Variants in CDC14A observed in about 807,000 individuals in gnomAD.
CDC14A encodes the protein dual specificity protein phosphatase CDC14A.
In CDC14A, 53 loss-of-function variants were observed where a neutral mutation model predicts 74.4. That is an observed-to-expected ratio of 0.71 (90% CI 0.57 to 0.89). The LOEUF is 0.89. CDC14A is among the 40% of genes least tolerant of loss of function. CDC14A has a pLI of 0.00. For missense variants in CDC14A, 646 were observed against 713.7 expected (o/e 0.91, Z 1.08); for synonymous variants, 247 against 258.4 (o/e 0.96, Z 0.43).
Position 100,471,243 on chromosome 1 carries a change from G to A in CDC14A, c.977+3149G>A, listed in dbSNP as rs77804512. Among the ~76,000 whole-genome samples, 275 of 152,200 alleles carry A rather than the reference G, an allele frequency of 1.8e-3. 2 individuals carry two copies. Among genetic ancestry groups the A allele is most frequent in the African/African-American group, 6.3e-3 (262 of 41,554 alleles). ...ATTCTGTGGTGATAGAAATCAGAAA[G>A]CAATTGCTTCTGAGGTGTGTCAGGG... is the stretch of plus-strand genomic sequence containing the variant. On this transcript the variant is annotated intron_variant, in intron 10 of 15. Coordinates refer to ENST00000336454, the MANE Select transcript of CDC14A (RefSeq NM_003672.4).
intron 4 of CDC14A, among the ~76,000 whole-genome samples, chr1:100,413,987 A>G (rs982145206): frequency 6.6e-6 from 1 of 152,230 alleles, no homozygotes; most frequent in African/African-American, 2.4e-5. Context: ...AAGATAATTA[A>G]CTTAAGAAAC....
chr1:100,497,937 T>C, intron 13 of CDC14A, 148 bp from the exon 14 acceptor site: 1 of 709,082 alleles, frequency 1.4e-6, no homozygotes, highest in Non-Finnish European at 2.3e-6. Context: ...GTTAGTGCTG[T>C]GTCAGTGGTG....
chr1:100,380,972 G>A (rs1277244373), intron 3 of CDC14A, among the ~76,000 whole-genome samples: 2 of 152,120 alleles, frequency 1.3e-5, no homozygotes, highest in Non-Finnish European at 2.9e-5. Context: ...CTGGATTGAG[G>A]GTGCCTCCCT....
chr1:100,495,636 A>G (rs962869956), intron 12 of CDC14A, among the ~76,000 whole-genome samples: 11 of 152,228 alleles, frequency 7.2e-5, no homozygotes, highest in African/African-American at 2.4e-4. Flanking sequence ...CTTATAAATA[A>G]GAGATACACA....
upstream of CDC14A, among the ~76,000 whole-genome samples, chr1:100,347,585 T>C (rs1048570900): frequency 2.0e-5 from 3 of 152,256 alleles, no homozygotes; most frequent in African/African-American, 7.2e-5. Context: ...ATGCTATCTA[T>C]TTTTGGTATT....
At chr1:100,381,972 C>G (rs1656171330) in intron 3 of CDC14A, among the ~76,000 whole-genome samples, 1 of 152,000 alleles carries the variant, frequency 6.6e-6, no homozygotes, top group African/African-American at 2.4e-5. Context: ...GATTGATAGC[C>G]TTGAGCTGGA....
At chr1:100,365,941 T>TACAC (rs34281009) in intron 2 of CDC14A, among the ~76,000 whole-genome samples, 12,606 of 142,414 alleles carry the variant, frequency 0.089, 1,102 homozygotes, top group African/African-American at 0.22. Flanking sequence ...AACAAAATTT[T>TACAC]ACACACACAC....
chr1:100,433,117 C>T (rs1032717173), intron 5 of CDC14A, among the ~76,000 whole-genome samples: 1 of 151,958 alleles, frequency 6.6e-6, no homozygotes, highest in Non-Finnish European at 1.5e-5. Flanking sequence ...TGGGCTCAAG[C>T]AATCCTCCTG....
chr1:100,452,307 C>T (rs966057683), intron 7 of CDC14A, among the ~76,000 whole-genome samples: 4 of 151,988 alleles, frequency 2.6e-5, no homozygotes, highest in Non-Finnish European at 4.4e-5. Flanking sequence ...GTCAGGAGTT[C>T]GAGACCAGCC....
intron 2 of CDC14A, among the ~76,000 whole-genome samples, chr1:100,371,991 A>G (rs1654541375): frequency 6.6e-6 from 1 of 152,244 alleles, no homozygotes; most frequent in Non-Finnish European, 1.5e-5. Flanking sequence ...GACCACCACA[A>G]TAAAGCAAAT....
intron 5 of CDC14A, among the ~76,000 whole-genome samples, chr1:100,427,502 C>T (rs1413526058): frequency 6.6e-6 from 1 of 152,088 alleles, no homozygotes; most frequent in Non-Finnish European, 1.5e-5. Context: ...TAAAGCCTTC[C>T]TCATTTTTCT....
intron 4 of CDC14A, among the ~76,000 whole-genome samples, chr1:100,423,054 T>C (rs1041809432): frequency 5.9e-5 from 9 of 152,222 alleles, no homozygotes; most frequent in Non-Finnish European, 8.8e-5. Context: ...AGCTCGTTTC[T>C]GACTATAGAG....
At chr1:100,448,466 G>A (rs1665788883) in intron 7 of CDC14A, among the ~76,000 whole-genome samples, 1 of 152,238 alleles carries the variant, frequency 6.6e-6, no homozygotes, top group Non-Finnish European at 1.5e-5. Context: ...TGATGACAGA[G>A]GCACCTGTTA....
At chr1:100,471,189 A>G (rs1668363867) in intron 10 of CDC14A, among the ~76,000 whole-genome samples, 1 of 152,184 alleles carries the variant, frequency 6.6e-6, no homozygotes, top group Non-Finnish European at 1.5e-5. Context: ...TACATGCTGT[A>G]TAGATAAAGC....
At chr1:100,424,523 T>A (rs1367918898) in intron 5 of CDC14A, among the ~76,000 whole-genome samples, 1 of 152,234 alleles carries the variant, frequency 6.6e-6, no homozygotes, top group African/African-American at 2.4e-5. Context: ...TTTCTTTGAA[T>A]CCTTTCTATA....
At chr1:100,363,377 C>T (rs369468315) in intron 2 of CDC14A, among the ~76,000 whole-genome samples, 67 of 152,248 alleles carry the variant, frequency 4.4e-4, no homozygotes, top group African/African-American at 1.5e-3. Flanking sequence ...AAACCCTTAC[C>T]GAGGGCTCCC....
At chr1:100,356,594 G>A (rs1651916369) in intron 2 of CDC14A, among the ~76,000 whole-genome samples, 1 of 152,050 alleles carries the variant, frequency 6.6e-6, no homozygotes, top group Non-Finnish European at 1.5e-5. Flanking sequence ...AGTGGCTCAC[G>A]CCTGTAATCA....
chr1:100,421,739 C>T (rs1052679385), intron 4 of CDC14A, among the ~76,000 whole-genome samples: 5 of 152,068 alleles, frequency 3.3e-5, no homozygotes, highest in South Asian at 2.1e-4. Flanking sequence ...GCCCACTGTT[C>T]GAATTCTGTT....
intron 8 of CDC14A, among the ~76,000 whole-genome samples, chr1:100,456,619 A>G (rs1666722229): frequency 6.6e-6 from 1 of 151,414 alleles, no homozygotes; most frequent in African/African-American, 2.4e-5. Context: ...AGCCTCGGCA[A>G]CATAGCAAAA....
Sources: allele counts gnomAD v4.1 joint callset (sites outside exome capture counted in the v4.1 genomes callset), GRCh38; gene constraint gnomAD v4.1.1; transcripts MANE v1.5; gene names NCBI Gene and HGNC (gene_info 2026-07-23, HGNC 2026-07-21).